The following ESR1 variants were observed in gnomAD, a reference collection of about 807,000 sequenced individuals.
The protein encoded by ESR1 is estrogen receptor.
ESR1 carries 12 observed loss-of-function variants against 52.7 expected under a neutral mutation model. The ratio of observed to expected loss-of-function variants is 0.23; its 90% CI spans 0.15 to 0.37. The LOEUF (loss-of-function observed/expected upper bound fraction) is 0.37, where lower values mean the gene tolerates loss of function less well. Among genes scored for constraint, ESR1 ranks in the 10% least tolerant of loss-of-function variants. The probability of loss-of-function intolerance (pLI) is 1.00; values close to 1 mark genes in which losing one functional copy is unlikely to be tolerated. For synonymous variants in ESR1, 305 were observed against 316.8 expected (o/e 0.96, Z 0.39); for missense variants, 584 against 779.7 (o/e 0.75, Z 2.99).
chr6:152,119,654 C>G (rs1386462956), intron 6 of ESR1, among the ~76,000 whole-genome samples: 1 of 152,226 alleles, frequency 6.6e-6, no homozygotes, highest in Non-Finnish European at 1.5e-5. Context: ...GGGCTCCTGA[C>G]TGTCCTCACT....
upstream of ESR1, among the ~76,000 whole-genome samples, chr6:151,687,492 G>A (rs1778735747): frequency 6.6e-6 from 1 of 152,172 alleles, no homozygotes; most frequent in South Asian, 2.1e-4. Context: ...AAGAATTTTG[G>A]CAATTAACTA....
chr6:152,088,390 A>G (rs901333150), intron 6 of ESR1, among the ~76,000 whole-genome samples: 7 of 152,186 alleles, frequency 4.6e-5, no homozygotes, highest in Non-Finnish European at 8.8e-5. Context: ...GAGAGAAAAA[A>G]AATTGATTAG....
At chr6:151,994,773 A>T (rs2041329173) in intron 4 of ESR1, among the ~76,000 whole-genome samples, 1 of 152,192 alleles carries the variant, frequency 6.6e-6, no homozygotes, top group Non-Finnish European at 1.5e-5. Flanking sequence ...CATTTTAAAA[A>T]TATCAGGAAA....
upstream of ESR1, among the ~76,000 whole-genome samples, chr6:151,802,836 A>G (rs76668415): frequency 0.1 from 15,420 of 152,064 alleles, 910 homozygotes; most frequent in African/African-American, 0.12. Context: ...TAAACATACA[A>G]AAAAATTAGC....
chr6:151,769,367 G>A (rs1785321810), intron 2 of ESR1, among the ~76,000 whole-genome samples: 1 of 152,182 alleles, frequency 6.6e-6, no homozygotes, highest in African/African-American at 2.4e-5. Context: ...CCAGTTAGAA[G>A]TGATGACTTG....
At chr6:151,726,901 G>A (rs895724131) in intron 2 of ESR1, among the ~76,000 whole-genome samples, 6 of 152,026 alleles carry the variant, frequency 3.9e-5, no homozygotes, top group Non-Finnish European at 8.8e-5. Context: ...ACAATGGGAA[G>A]AAAAAGTGAT....
chr6:151,808,930 C>T (rs1778336205), intron 1 of ESR1, among the ~76,000 whole-genome samples: 1 of 152,124 alleles, frequency 6.6e-6, no homozygotes, highest in Non-Finnish European at 1.5e-5. Flanking sequence ...ACCCGCTTTC[C>T]CCTCCTCCCC....
At chr6:151,740,242 C>T (rs1782981134) in intron 2 of ESR1, among the ~76,000 whole-genome samples, 1 of 150,358 alleles carries the variant, frequency 6.7e-6, no homozygotes, top group African/African-American at 2.4e-5. Context: ...CCTCAGCCTC[C>T]TGAGTAGCTG....
chr6:152,081,701 A>G (rs2049231289), intron 6 of ESR1, among the ~76,000 whole-genome samples: 1 of 152,040 alleles, frequency 6.6e-6, no homozygotes, highest in African/African-American at 2.4e-5. Flanking sequence ...GTTTTTTGAA[A>G]AGATCAACAA....
chr6:151,944,878 T>C (rs1054442480), intron 4 of ESR1, among the ~76,000 whole-genome samples: 5 of 152,216 alleles, frequency 3.3e-5, no homozygotes, highest in Non-Finnish European at 5.9e-5. Flanking sequence ...TTAATGACCT[T>C]TGTTGAAAAC....
At chr6:151,940,176 G>T (rs937355716) in intron 3 of ESR1, among the ~76,000 whole-genome samples, 4 of 152,092 alleles carry the variant, frequency 2.6e-5, no homozygotes, top group African/African-American at 7.2e-5. Flanking sequence ...CAAGGGAACT[G>T]CCCTGTATGA....
chr6:151,977,319 C>T (rs1244420119), intron 4 of ESR1, among the ~76,000 whole-genome samples: 1 of 151,758 alleles, frequency 6.6e-6, no homozygotes, highest in Admixed American at 6.6e-5. Flanking sequence ...ATGGTAACAA[C>T]ACTTGTCTCG....
intron 1 of ESR1, among the ~76,000 whole-genome samples, chr6:151,657,104 A>G (rs1298741931): frequency 6.6e-6 from 1 of 152,180 alleles, no homozygotes; most frequent in Non-Finnish European, 1.5e-5. Context: ...CAGGGGGAAT[A>G]CAGTTTTTGT....
In ESR1 at chr6:152,038,829, C is replaced by T. The variant is rs150999741; in HGVS notation, c.1236-22162C>T. Among the ~76,000 whole-genome samples, 462 of 152,128 alleles carry T rather than the reference C, an allele frequency of 3.0e-3. 6 individuals are homozygous for T. Among genetic ancestry groups the T allele is most frequent in the African/African-American group, 0.011 (437 of 41,500 alleles). ...TATTTTTAGTAAAGACGGGGTTTTG[C>T]CATCCTGGCCAGGCTGGTCTTGAAC... On this transcript the variant is annotated intron_variant, in intron 5 of 7. Coordinates refer to ENST00000206249, the MANE Select transcript of ESR1 (RefSeq NM_000125.4).
intron 4 of ESR1, among the ~76,000 whole-genome samples, chr6:151,953,018 T>C (rs985438040): frequency 6.6e-5 from 10 of 152,258 alleles, no homozygotes; most frequent in Non-Finnish European, 8.8e-5. Context: ...ATTGAAATAC[T>C]AGTTTTCACA....
chr6:151,960,531 C>A (rs759017750), intron 4 of ESR1, among the ~76,000 whole-genome samples: 3 of 152,136 alleles, frequency 2.0e-5, no homozygotes, highest in Non-Finnish European at 4.4e-5. Flanking sequence ...ACAGCAAGAG[C>A]AGTTCTGGAA....
At chr6:151,889,572 T>C (rs1010572453) in intron 3 of ESR1, among the ~76,000 whole-genome samples, 5 of 152,192 alleles carry the variant, frequency 3.3e-5, no homozygotes, top group Admixed American at 3.3e-4. Context: ...TAGTTAAAGG[T>C]TAATCAATTT....
At chr6:151,850,354 AACAC>A (rs1170956893) in intron 2 of ESR1, among the ~76,000 whole-genome samples, 1 of 150,504 alleles carries the variant, frequency 6.6e-6, no homozygotes, top group Admixed American at 6.7e-5. Flanking sequence ...TTTGGACACA[AACAC>A]AGAGAAGAGA....
At chr6:151,901,754 T>C (rs1156881161) in intron 3 of ESR1, among the ~76,000 whole-genome samples, 1 of 152,246 alleles carries the variant, frequency 6.6e-6, no homozygotes, top group African/African-American at 2.4e-5. Context: ...CCCCCTTTCC[T>C]ACTTTCACAG....
Sources: allele counts gnomAD v4.1 joint callset (sites outside exome capture counted in the v4.1 genomes callset), GRCh38; gene constraint gnomAD v4.1.1; transcripts MANE v1.5; gene names NCBI Gene and HGNC (gene_info 2026-07-23, HGNC 2026-07-21).